ZNF236: variants seen among roughly 807,000 people sequenced by gnomAD.
ZNF236 encodes zinc finger protein 236, also known as regulated by glucose.
In ZNF236, 50 loss-of-function variants were observed where a neutral mutation model predicts 191.2. That is an observed-to-expected ratio of 0.26 (90% CI 0.21 to 0.33). ZNF236 has a LOEUF of 0.33. Among genes scored for constraint, ZNF236 ranks in the 10% least tolerant of loss-of-function variants. ZNF236 has a pLI of 1.00. For synonymous variants in ZNF236, 907 were observed against 928.8 expected (o/e 0.98, Z 0.43); for missense variants, 1,754 against 2,374.5 (o/e 0.74, Z 5.43).
In ZNF236 at chr18:76,860,992, C is replaced by A. The variant is rs144608629; in HGVS notation, c.364-7693C>A. On this transcript the variant is annotated intron_variant, in intron 3 of 30. Transcript: ENST00000320610. ...TGAGGATGCTTCACAGCTTCCTTGG[C>A]ACTGTGTGTCTGTGCTGCCGGAGGA... is the stretch of plus-strand genomic sequence containing the variant. 1.2e-3 allele frequency among the ~76,000 whole-genome samples: 187 copies of A among 152,202 alleles called. 1 individual carries two copies. The highest frequency in any genetic ancestry group is 3.5e-3 in the South Asian group (17 of 4,822).
intron 2 of ZNF236, among the ~76,000 whole-genome samples, chr18:76,850,095 A>C (rs1253217277): frequency 6.6e-6 from 1 of 152,230 alleles, no homozygotes; most frequent in East Asian, 1.9e-4. Flanking sequence ...CAAATATTAC[A>C]TACTATCTTA....
chr18:76,868,181 C>T (rs968255760), intron 3 of ZNF236, among the ~76,000 whole-genome samples: 9 of 152,132 alleles, frequency 5.9e-5, no homozygotes, highest in East Asian at 5.8e-4. Flanking sequence ...CTCAGTCAGC[C>T]GGGCCACAGC....
intron 1 of ZNF236, among the ~76,000 whole-genome samples, chr18:76,840,488 C>CACAGGGTTGTTAAGA (rs1975448744): frequency 1.3e-5 from 2 of 150,136 alleles, no homozygotes; most frequent in Non-Finnish European, 3.0e-5. Context: ...GAGTGAAACT[C>CACAGGGTTGTTAAGA]TGTCTCAAAA....
At chr18:76,837,916 A>G (rs138457861) in intron 1 of ZNF236, among the ~76,000 whole-genome samples, 3 of 152,372 alleles carry the variant, frequency 2.0e-5, no homozygotes, top group South Asian at 4.1e-4. Flanking sequence ...TGATGTGTCA[A>G]TGATACTTTA....
chr18:76,894,863 T>C lies in ZNF236; in HGVS notation c.1418-150T>C, dbSNP rs949634737. On this transcript the variant is annotated intron_variant, in intron 9 of 30. Transcript: ENST00000320610. ...TAGGGGTTTCAGCGAGATTAACTCC[T>C]AGCCCTCGATAATGTCAGTGATCCT... 3 of 1,095,336 alleles carry C rather than the reference T, an allele frequency of 2.7e-6. No homozygotes were observed. The East Asian group carries it at 7.1e-5, about 26-fold the overall frequency. 67.9% of individuals were successfully genotyped at this position (1,095,336 alleles called of 1,614,324 possible).
At position 76,960,208 on chromosome 18, in the gene ZNF236, C is replaced by T. The variant is rs566409234; in HGVS notation, c.5242+392C>T. Among the ~76,000 whole-genome samples the T allele has an allele frequency of 1.1e-4, 16 of 152,112 alleles. No individual in the cohort carries two copies. Among genetic ancestry groups the T allele is most frequent in the Non-Finnish European group, 2.2e-4 (15 of 68,006 alleles). The stretch of plus-strand genomic sequence containing the variant: ...TCTTCTGTCTTAAAACTTTTTTTCT[C>T]TGCTGGCTTTTCCTACACCACCTAA... On this transcript the variant is annotated intron_variant, in intron 29 of 30. Coordinates refer to ENST00000320610, the MANE Select transcript of ZNF236 (RefSeq NM_001306089.2). The surrounding 1 kb of genome is among the most constrained non-coding windows in gnomAD (Gnocchi z 4.4).
chr18:76,962,584 T>C (rs1346957295), intron 30 of ZNF236, among the ~76,000 whole-genome samples: 1 of 152,244 alleles, frequency 6.6e-6, no homozygotes, highest in African/African-American at 2.4e-5. Context: ...TTTTTTCTAA[T>C]TCTGTGAAGA....
At position 76,880,163 on chromosome 18, in the gene ZNF236, G is replaced by A. The variant is rs751197969; in HGVS notation, c.1035G>A (p.Thr345=). The change falls in exon 8 of 31, where the codon ACG becomes ACA. Residue 345 remains threonine (T), a synonymous_variant. Transcript: ENST00000320610. The surrounding 1 kb of genome is among the most constrained non-coding windows in gnomAD (Gnocchi z 5.0). ...LPLQQTEAQA[T]SASSQPSSQA... ...TTCAACAGACGGAAGCCCAAGCCACGTCGGCCTCAAGCCAGCCGAGCTCCC... is the reference window on the plus strand; with the variant it reads ...TTCAACAGACGGAAGCCCAAGCCACATCGGCCTCAAGCCAGCCGAGCTCCC... The A allele has an allele frequency of 6.8e-6, 11 of 1,613,810 alleles. No individual in the cohort carries two copies. Among genetic ancestry groups the A allele is most frequent in the Admixed American group, 1.7e-5 (1 of 59,970 alleles).
At chr18:76,916,072 A>G (rs1345984113) in intron 19 of ZNF236, among the ~76,000 whole-genome samples, 1 of 152,238 alleles carries the variant, frequency 6.6e-6, no homozygotes, top group Non-Finnish European at 1.5e-5. Flanking sequence ...ATCTGCTCTT[A>G]CAAATCACCA....
intron 26 of ZNF236, among the ~76,000 whole-genome samples, chr18:76,942,739 C>T (rs924098982): frequency 3.4e-5 from 5 of 149,198 alleles, no homozygotes; most frequent in African/African-American, 9.8e-5. Context: ...TGGTCTTGAT[C>T]TCCTGACCTC....
At chr18:76,885,957 A>G (rs1044990317) in intron 9 of ZNF236, 1 of 152,338 alleles carries the variant, frequency 6.6e-6, no homozygotes, top group Non-Finnish European at 1.5e-5. Flanking sequence ...CAAGTCCAGC[A>G]CCATGGTTGA....
intron 13 of ZNF236, among the ~76,000 whole-genome samples, chr18:76,906,020 C>T (rs1977730701): frequency 6.6e-6 from 1 of 152,134 alleles, no homozygotes; most frequent in Non-Finnish European, 1.5e-5. Flanking sequence ...ACTGTAACAC[C>T]TGGGTAGGGT....
rs1027373158 is a variant in ZNF236 at position 76,960,548 on chromosome 18, A to G, written c.5243-131A>G. The G allele has an allele frequency of 1.2e-5, 14 of 1,216,342 alleles. No individual in the cohort carries two copies. The highest frequency in any genetic ancestry group is 2.1e-4 in the Middle Eastern group (1 of 4,784). The allele number at this position is 1,216,342 out of a possible 1,614,324, so 75.3% of individuals were successfully genotyped here. A position where few individuals can be genotyped will look rare whatever the true frequency, so the allele number is the denominator to read the frequency against. ...CTATGGCTCCTCCAGCCCTTTGTTC[A>G]GATGACAGCCAGGCTGAAAGCCTAA... On this transcript the variant is annotated intron_variant, in intron 29 of 30. Transcript: ENST00000320610. This position sits in a 1 kb window ranked among gnomAD's most constrained non-coding sequence, Gnocchi z 4.4.
At chr18:76,959,150 T>C (rs1324996361) in intron 28 of ZNF236, among the ~76,000 whole-genome samples, 1 of 152,198 alleles carries the variant, frequency 6.6e-6, no homozygotes, top group Non-Finnish European at 1.5e-5. Context: ...AAAGCCTCTG[T>C]CGTATCACCG....
chr18:76,926,589 T>G (rs1967684749), intron 22 of ZNF236, among the ~76,000 whole-genome samples: 1 of 149,592 alleles, frequency 6.7e-6, no homozygotes, highest in Admixed American at 6.7e-5. Context: ...TGTGTATGAT[T>G]AGACAGTGTG....
At position 76,968,662 on chromosome 18, in the gene ZNF236, T is replaced by A. The variant is rs75750624; in HGVS notation, c.*323T>A. 1,924 of 1,047,964 alleles carry A rather than the reference T, an allele frequency of 1.8e-3. 35 individuals carry two copies. In the East Asian group the frequency reaches 0.048, roughly 26 times the overall value. 64.9% of individuals were successfully genotyped at this position (1,047,964 alleles called of 1,614,324 possible). On this transcript the variant is annotated 3_prime_UTR_variant, in exon 31 of 31. Coordinates refer to ENST00000320610, the MANE Select transcript of ZNF236 (RefSeq NM_001306089.2). Reference sequence around the variant, plus strand: ...GGGTCTTACTATCATTGTAGTGTGATTTCTTTGTATTAGCAAAGACAAAAA... The same window carrying A: ...GGGTCTTACTATCATTGTAGTGTGAATTCTTTGTATTAGCAAAGACAAAAA...
At chr18:76,852,814 A>G (rs1443816854) in intron 3 of ZNF236, among the ~76,000 whole-genome samples, 2 of 152,236 alleles carry the variant, frequency 1.3e-5, no homozygotes, top group Non-Finnish European at 2.9e-5. Flanking sequence ...TTGAAATTGC[A>G]TATTCAGACG....
intron 1 of ZNF236, among the ~76,000 whole-genome samples, chr18:76,826,197 C>A (rs1180478590): frequency 6.6e-6 from 1 of 151,594 alleles, no homozygotes; most frequent in East Asian, 2.0e-4. Context: ...CTGCAACCTC[C>A]GCCTCCCGGG....
intron 30 of ZNF236, among the ~76,000 whole-genome samples, chr18:76,965,137 G>A (rs191805780): frequency 1.3e-5 from 2 of 152,030 alleles, no homozygotes; most frequent in East Asian, 3.9e-4. Flanking sequence ...CCTTGTCTTC[G>A]AGCTCTGAAT....
Sources: gnomAD v4.1 joint callset for allele counts (sites outside exome capture counted in the v4.1 genomes callset) on GRCh38, gnomAD v4.1.1 for gene constraint, Gnocchi (gnomAD v3.1) non-coding constraint, MANE v1.5 for transcripts, NCBI Gene and HGNC (gene_info 2026-07-23, HGNC 2026-07-21) for gene names.